Variants in LRRC58 observed in about 807,000 individuals in gnomAD.
LRRC58 encodes the protein leucine rich repeat containing 58.
A neutral mutation model predicts 30.6 loss-of-function variants in LRRC58; 18 were observed. The ratio of observed to expected loss-of-function variants is 0.59; its 90% CI spans 0.41 to 0.87. The LOEUF is 0.87. LRRC58 is among the 40% of genes least tolerant of loss of function. The pLI is 0.00. For missense variants in LRRC58, 420 were observed against 468.4 expected (o/e 0.90, Z 0.95); for synonymous variants, 221 against 206.0 (o/e 1.07, Z -0.62).
chr3:120,331,798 C>A (rs1356013871), intron 3 of LRRC58, among the ~76,000 whole-genome samples: 2 of 152,138 alleles, frequency 1.3e-5, no homozygotes, highest in Non-Finnish European at 2.9e-5. Flanking sequence ...ATAAAAACTC[C>A]TTTAATAATT....
intron 1 of LRRC58, among the ~76,000 whole-genome samples, chr3:120,346,719 G>A (rs540113644): frequency 6.6e-6 from 1 of 152,014 alleles, no homozygotes; most frequent in Non-Finnish European, 1.5e-5. Flanking sequence ...ATCTTTTCTC[G>A]AAATCTTCCA....
chr3:120,346,275 A>C (rs1935967367), intron 1 of LRRC58, among the ~76,000 whole-genome samples: 1 of 148,720 alleles, frequency 6.7e-6, no homozygotes, highest in South Asian at 2.2e-4. Flanking sequence ...AGAAAACAAA[A>C]AACAAAAAAC....
Position 120,329,226 on chromosome 3 carries a change from T to C in LRRC58, c.*1974A>G, listed in dbSNP as rs562864640. ...CATTATTTTCTATGAAAATATCTTA[T>C]GTATCTTAGGTAAGTCACTTATTTA... On this transcript the variant is annotated 3_prime_UTR_variant, in exon 4 of 4. Coordinates refer to ENST00000295628, the MANE Select transcript of LRRC58 (RefSeq NM_001099678.2). 2 of 152,168 alleles carry C rather than the reference T, an allele frequency of 1.3e-5. No individual in the cohort carries two copies. Among genetic ancestry groups the C allele is most frequent in the Admixed American group, 6.5e-5 (1 of 15,282 alleles). The allele number at this position is 152,168 out of a possible 1,614,324, so 9.4% of individuals were successfully genotyped here.
chr3:120,328,279 T>C lies in LRRC58; in HGVS notation c.*2921A>G, dbSNP rs1256429255. 6.6e-6 allele frequency: 1 copy of C among 152,188 alleles called. No individual in the cohort carries two copies. Among genetic ancestry groups the C allele is most frequent in the Non-Finnish European group, 1.5e-5 (1 of 68,030 alleles). 9.4% of individuals were successfully genotyped at this position (152,188 alleles called of 1,614,324 possible). A position where few individuals can be genotyped will look rare whatever the true frequency, so the allele number is the denominator to read the frequency against. On this transcript the variant is annotated 3_prime_UTR_variant, in exon 4 of 4. Transcript: ENST00000295628. The stretch of plus-strand genomic sequence containing the variant: ...TGTATCATATTCACTAATCTTCCTA[T>C]TGCCCAGAATCTTAGCACTATTTCA...
In LRRC58 at chr3:120,325,781, C is replaced by G. The variant is rs950155658; in HGVS notation, c.*5419G>C. 2 of 152,136 alleles carry G rather than the reference C, an allele frequency of 1.3e-5. No homozygotes were observed. Among genetic ancestry groups the G allele is most frequent in the African/African-American group, 4.8e-5 (2 of 41,432 alleles). The allele number at this position is 152,136 out of a possible 1,614,324, so 9.4% of individuals were successfully genotyped here. Reference sequence around the variant, plus strand: ...TAAATATGAAGTTGGTTAGAAACTGCTGTCATTCTTTGGTGGCACCAGATA... The same window carrying G: ...TAAATATGAAGTTGGTTAGAAACTGGTGTCATTCTTTGGTGGCACCAGATA... On this transcript the variant is annotated 3_prime_UTR_variant, in exon 4 of 4. Transcript: ENST00000295628.
chr3:120,344,059 A>C (rs1168305864), intron 1 of LRRC58, among the ~76,000 whole-genome samples: 1 of 151,910 alleles, frequency 6.6e-6, no homozygotes, highest in African/African-American at 2.4e-5. Context: ...ATAAACAAAC[A>C]AACAAAAACA....
chr3:120,330,525 A>G lies in LRRC58; in HGVS notation c.*675T>C, dbSNP rs982547628. ...GCTGGATTAAGGCACTATAACAGTCATTGCTAGATTACATAAGGTTAATAG... is the reference window on the plus strand; with the variant it reads ...GCTGGATTAAGGCACTATAACAGTCGTTGCTAGATTACATAAGGTTAATAG... On this transcript the variant is annotated 3_prime_UTR_variant, in exon 4 of 4. Coordinates refer to ENST00000295628, the MANE Select transcript of LRRC58 (RefSeq NM_001099678.2). 1.1e-4 allele frequency: 16 copies of G among 152,182 alleles called. No individual in the cohort carries two copies. The highest frequency in any genetic ancestry group is 3.9e-4 in the African/African-American group (16 of 41,452). 9.4% of individuals were successfully genotyped at this position (152,182 alleles called of 1,614,324 possible). A position where few individuals can be genotyped will look rare whatever the true frequency, so the allele number is the denominator to read the frequency against.
At chr3:120,347,138 G>T (rs971820963) in intron 1 of LRRC58, among the ~76,000 whole-genome samples, 1 of 152,178 alleles carries the variant, frequency 6.6e-6, no homozygotes, top group Non-Finnish European at 1.5e-5. Context: ...GAGGTTCATA[G>T]TTAGTTGTTT....
chr3:120,346,342 T>C (rs887431243), intron 1 of LRRC58, among the ~76,000 whole-genome samples: 2 of 152,128 alleles, frequency 1.3e-5, no homozygotes, highest in Non-Finnish European at 2.9e-5. Context: ...CAGGTTCTAG[T>C]ACTCTGCCAC....
At chr3:120,341,113 C>T (rs1935899546) in intron 1 of LRRC58, among the ~76,000 whole-genome samples, 1 of 152,178 alleles carries the variant, frequency 6.6e-6, no homozygotes, top group South Asian at 2.1e-4. Context: ...ACTGCAAGTG[C>T]TTAAGCATTG....
chr3:120,332,379 C>T (rs1935768624), intron 3 of LRRC58, among the ~76,000 whole-genome samples: 4 of 152,192 alleles, frequency 2.6e-5, no homozygotes, highest in Admixed American at 2.0e-4. Context: ...GATATCTCAA[C>T]TAACCATGTA....
Position 120,328,815 on chromosome 3 carries a change from G to A in LRRC58, c.*2385C>T, listed in dbSNP as rs571367340. On this transcript the variant is annotated 3_prime_UTR_variant, in exon 4 of 4. Transcript: ENST00000295628. ...TCAAAGATTTAAGAAAGATAAAACC[G>A]ACGGCTAAATGTAGACTTCATTAAA... 8 of 152,266 alleles carry A rather than the reference G, an allele frequency of 5.3e-5. No individual in the cohort carries two copies. Among genetic ancestry groups the A allele is most frequent in the South Asian group, 2.1e-4 (1 of 4,824 alleles). The allele number at this position is 152,266 out of a possible 1,614,324, so 9.4% of individuals were successfully genotyped here. A position where few individuals can be genotyped will look rare whatever the true frequency, so the allele number is the denominator to read the frequency against.
In LRRC58 at chr3:120,349,124, G is replaced by T. The variant is rs1412186298; in HGVS notation, c.120C>A (p.Arg40=). 2.0e-6 allele frequency: 3 copies of T among 1,508,376 alleles called. No individual in the cohort carries two copies. The highest frequency in any genetic ancestry group is 1.8e-6 in the Non-Finnish European group (2 of 1,136,960). 93.4% of individuals were successfully genotyped at this position (1,508,376 alleles called of 1,614,324 possible). The change falls in exon 1 of 4, where the codon CGC becomes CGA. Residue 40 remains arginine (R), a synonymous_variant. Transcript: ENST00000295628. ...GCCGCAGCAGCGCCTCCCGCGCCCC[G>T]CGCCGCTCCTCCCCCCGCGCCTCCA... ...SELEARGEER[R]GAREALLRLL... is the part of the protein sequence containing the mutation.
chr3:120,347,376 A>ATTTTTTTTTTTTTTTTT (rs1208688984), intron 1 of LRRC58, among the ~76,000 whole-genome samples: 18 of 51,086 alleles, frequency 3.5e-4, no homozygotes, highest in East Asian at 1.3e-3. Flanking sequence ...CCAGGCCAAT[A>ATTTTTTTTTTTTTTTTT]TTCTTTTTTT....
In LRRC58 at chr3:120,326,148, T is replaced by C. The variant is rs935824512; in HGVS notation, c.*5052A>G. On this transcript the variant is annotated 3_prime_UTR_variant, in exon 4 of 4. Coordinates refer to ENST00000295628, the MANE Select transcript of LRRC58 (RefSeq NM_001099678.2). ...CTTTAAAAAGATACGACTATGAAAA[T>C]ACAAAATTGCACGCAATTTTTTTTT... The C allele has an allele frequency of 2.6e-5, 4 of 152,012 alleles. No individual in the cohort carries two copies. The highest frequency in any genetic ancestry group is 2.6e-4 in the Admixed American group (4 of 15,262). 9.4% of individuals were successfully genotyped at this position (152,012 alleles called of 1,614,324 possible).
intron 1 of LRRC58, 108 bp from the exon 2 acceptor site, chr3:120,336,061 T>C (rs1935831170): frequency 1.3e-6 from 1 of 796,976 alleles, no homozygotes; most frequent in African/African-American, 1.7e-5. Context: ...GCAAATGTTT[T>C]ACTTAAGATT....
intron 2 of LRRC58, 142 bp from the exon 3 acceptor site, chr3:120,335,281 G>A (rs899409219): frequency 5.4e-6 from 4 of 735,690 alleles, no homozygotes; most frequent in Admixed American, 3.2e-5. Flanking sequence ...AAATAAAAAG[G>A]TGCTGAAACT....
chr3:120,343,880 T>A (rs577219404), intron 1 of LRRC58, among the ~76,000 whole-genome samples: 68 of 150,942 alleles, frequency 4.5e-4, no homozygotes, highest in African/African-American at 9.2e-4. Flanking sequence ...AAATAAAATT[T>A]AAAAAAAAAT....
chr3:120,330,290 A>G lies in LRRC58; in HGVS notation c.*910T>C, dbSNP rs545072227. On this transcript the variant is annotated 3_prime_UTR_variant, in exon 4 of 4. Transcript: ENST00000295628. The stretch of plus-strand genomic sequence containing the variant: ...TCTTATGATGAACAGATTGATGAAG[A>G]TTGTGGCCTACCATTAAGTGTAAAA... 9.2e-5 allele frequency: 14 copies of G among 152,214 alleles called. No individual in the cohort carries two copies. The highest frequency in any genetic ancestry group is 3.4e-4 in the African/African-American group (14 of 41,556). The allele number at this position is 152,214 out of a possible 1,614,324, so 9.4% of individuals were successfully genotyped here. A position where few individuals can be genotyped will look rare whatever the true frequency, so the allele number is the denominator to read the frequency against.
Sources: gnomAD v4.1 joint callset for allele counts (sites outside exome capture counted in the v4.1 genomes callset) on GRCh38, gnomAD v4.1.1 for gene constraint, MANE v1.5 for transcripts, NCBI Gene and HGNC (gene_info 2026-07-23, HGNC 2026-07-21) for gene names.